CNTN5: variants seen among roughly 807,000 people sequenced by gnomAD.
The protein encoded by CNTN5 is contactin-5.
A neutral mutation model predicts 129.1 loss-of-function variants in CNTN5; 77 were observed. The observed-to-expected ratio is 0.60, with a 90% CI of 0.50 to 0.72. CNTN5 has a LOEUF of 0.72. Ranked by LOEUF, CNTN5 falls within the 30% of genes least tolerant of loss-of-function variation. The pLI is 0.00. For missense variants in CNTN5, 1,478 were observed against 1,328.8 expected (o/e 1.11, Z -1.75); for synonymous variants, 509 against 465.6 (o/e 1.09, Z -1.20).
intron 1 of CNTN5, among the ~76,000 whole-genome samples, chr11:99,289,818 T>C (rs1167258979): frequency 1.3e-5 from 2 of 151,842 alleles, no homozygotes; most frequent in Non-Finnish European, 3.0e-5. Flanking sequence ...TGAATGTGTT[T>C]TCTCATCATT....
chr11:99,224,063 G>C (rs547025059), intron 1 of CNTN5, among the ~76,000 whole-genome samples: 15 of 152,260 alleles, frequency 9.9e-5, no homozygotes, highest in African/African-American at 3.6e-4. Context: ...AGAGAACACA[G>C]TTCAATGCAC....
At chr11:99,552,777 G>A (rs1189657458) in intron 2 of CNTN5, among the ~76,000 whole-genome samples, 1 of 152,102 alleles carries the variant, frequency 6.6e-6, no homozygotes, top group Non-Finnish European at 1.5e-5. Context: ...TATAGAATTG[G>A]TGAAACCAGC....
intron 2 of CNTN5, among the ~76,000 whole-genome samples, chr11:99,375,919 A>G (rs1319671598): frequency 6.6e-6 from 1 of 152,186 alleles, no homozygotes; most frequent in Non-Finnish European, 1.5e-5. Context: ...AATTATAACC[A>G]TATTTAATCT....
At chr11:100,231,605 G>A (rs1246472338) in intron 16 of CNTN5, among the ~76,000 whole-genome samples, 1 of 152,060 alleles carries the variant, frequency 6.6e-6, no homozygotes, top group African/African-American at 2.4e-5. Flanking sequence ...AAATTGTCCT[G>A]GTTTAGAAGA....
intron 15 of CNTN5, 129 bp downstream of exon 15, chr11:100,193,792 A>C: frequency 1.4e-6 from 1 of 700,830 alleles, no homozygotes; most frequent in Non-Finnish European, 2.3e-6. Flanking sequence ...AAAAACAATT[A>C]CTTTCTGCCA....
intron 9 of CNTN5, among the ~76,000 whole-genome samples, chr11:100,028,357 A>C (rs1355046840): frequency 6.6e-6 from 1 of 152,316 alleles, no homozygotes; most frequent in Admixed American, 6.5e-5. Context: ...GACACCAAAT[A>C]AATTATCCTC....
intron 13 of CNTN5, among the ~76,000 whole-genome samples, chr11:100,161,771 T>A (rs1251395647): frequency 6.6e-6 from 1 of 150,708 alleles, no homozygotes; most frequent in Non-Finnish European, 1.5e-5. Context: ...AGGTCAGAGG[T>A]CTGTGCTTTT....
At chr11:100,035,793 C>A (rs1260651297) in intron 9 of CNTN5, among the ~76,000 whole-genome samples, 1 of 151,606 alleles carries the variant, frequency 6.6e-6, no homozygotes, top group Non-Finnish European at 1.5e-5. Flanking sequence ...CTGTTCATAT[C>A]CTTTGCCCAC....
At chr11:99,927,534 G>A (rs1461927668) in intron 7 of CNTN5, among the ~76,000 whole-genome samples, 1 of 152,202 alleles carries the variant, frequency 6.6e-6, no homozygotes, top group Non-Finnish European at 1.5e-5. Context: ...ATGGCAAAAG[G>A]GAAAGCAAAT....
chr11:99,324,550 T>G (rs1865702434), intron 1 of CNTN5, among the ~76,000 whole-genome samples: 1 of 152,210 alleles, frequency 6.6e-6, no homozygotes, highest in Admixed American at 6.5e-5. Flanking sequence ...CGCTAGGTTT[T>G]CAATCCTAAT....
chr11:99,169,734 T>C (rs893693930), intron 1 of CNTN5, among the ~76,000 whole-genome samples: 1 of 152,306 alleles, frequency 6.6e-6, no homozygotes, highest in Admixed American at 6.5e-5. Flanking sequence ...ATTAAACTCA[T>C]AGTTTTATAT....
chr11:99,138,209 A>G (rs1324606712), intron 1 of CNTN5, among the ~76,000 whole-genome samples: 1 of 152,152 alleles, frequency 6.6e-6, no homozygotes, highest in East Asian at 1.9e-4. Context: ...ATCCAACATG[A>G]TAGGTGTTAG....
intron 1 of CNTN5, among the ~76,000 whole-genome samples, chr11:99,093,985 TATAAG>T (rs1344502015): frequency 6.6e-6 from 1 of 151,968 alleles, no homozygotes; most frequent in East Asian, 1.9e-4. Context: ...ATATATAACA[TATAAG>T]ATAATATAAT....
At chr11:99,034,181 T>C (rs1863567642) in intron 1 of CNTN5, among the ~76,000 whole-genome samples, 1 of 152,248 alleles carries the variant, frequency 6.6e-6, no homozygotes, top group Non-Finnish European at 1.5e-5. Context: ...CAGTATTTTA[T>C]TGAGGATTTT....
chr11:99,921,915 A>G (rs1244632150), intron 7 of CNTN5, among the ~76,000 whole-genome samples: 1 of 152,210 alleles, frequency 6.6e-6, no homozygotes, highest in East Asian at 1.9e-4. Flanking sequence ...TCATAATTAT[A>G]TTGTGAAATG....
intron 3 of CNTN5, among the ~76,000 whole-genome samples, chr11:99,687,909 A>C (rs1308118337): frequency 1.3e-5 from 2 of 152,148 alleles, no homozygotes; most frequent in African/African-American, 2.4e-5. Flanking sequence ...ATCAATTCTC[A>C]TGCCTATATT....
intron 7 of CNTN5, among the ~76,000 whole-genome samples, chr11:99,950,760 T>C (rs893263434): frequency 3.3e-4 from 50 of 152,362 alleles, no homozygotes; most frequent in African/African-American, 1.0e-3. Context: ...GCTTGTGTAA[T>C]TCTCAGCATT....
At chr11:99,711,307 G>C (rs1326338533) in intron 3 of CNTN5, among the ~76,000 whole-genome samples, 1 of 151,840 alleles carries the variant, frequency 6.6e-6, no homozygotes. Context: ...ACACATAACT[G>C]TTAAGTGGTG....
chr11:100,289,562 C>G (rs1182373971), intron 18 of CNTN5, among the ~76,000 whole-genome samples: 1 of 152,138 alleles, frequency 6.6e-6, no homozygotes, highest in Non-Finnish European at 1.5e-5. Flanking sequence ...TTCAACAACG[C>G]TTCATGCTAA....
Sources: allele counts gnomAD v4.1 joint callset (sites outside exome capture counted in the v4.1 genomes callset), GRCh38; gene constraint gnomAD v4.1.1; transcripts MANE v1.5; gene names NCBI Gene and HGNC (gene_info 2026-07-23, HGNC 2026-07-21).